LRP1B: variants seen among roughly 807,000 people sequenced by gnomAD.
LRP1B encodes the protein low-density lipoprotein receptor-related protein 1B.
Under a neutral mutation model 556.6 loss-of-function variants are expected in LRP1B, and 217 were observed. The observed-to-expected ratio is 0.39, with a 90% confidence interval of 0.35 to 0.44. LRP1B has a LOEUF of 0.44. LRP1B is among the 20% of genes least tolerant of loss of function. The pLI is 1.00. For synonymous variants in LRP1B, 2,047 were observed against 1,865.8 expected, an observed-to-expected ratio of 1.10 and a Z score of -2.50; for missense variants, 5,053 against 5,620.8, an observed-to-expected ratio of 0.90 and a Z score of 3.23.
At chr2:140,628,203 A>T (rs1192381583) in intron 41 of LRP1B, among the ~76,000 whole-genome samples, 1 of 152,136 alleles carries the variant, frequency 6.6e-6, no homozygotes, top group Non-Finnish European at 1.5e-5. Flanking sequence ...AGAACAGAGG[A>T]CACCAAGTAA....
At chr2:142,003,107 A>C (rs1274806924) in intron 1 of LRP1B, among the ~76,000 whole-genome samples, 4 of 152,170 alleles carry the variant, frequency 2.6e-5, no homozygotes, top group African/African-American at 9.7e-5. Context: ...AGGTTTTATA[A>C]CTCTCTGTAT....
chr2:141,576,386 G>A (rs1686743872), intron 2 of LRP1B, among the ~76,000 whole-genome samples: 1 of 152,078 alleles, frequency 6.6e-6, no homozygotes, highest in Admixed American at 6.5e-5. Context: ...ACTCATAAGT[G>A]GGTGTTGAAC....
At chr2:140,744,143 T>A (rs1688240650) in intron 35 of LRP1B, among the ~76,000 whole-genome samples, 2 of 152,060 alleles carry the variant, frequency 1.3e-5, no homozygotes, top group Admixed American at 6.6e-5. Context: ...GATAGATGTA[T>A]TAATTAATTT....
chr2:141,258,224 A>C (rs916390872), intron 3 of LRP1B, among the ~76,000 whole-genome samples: 1 of 152,190 alleles, frequency 6.6e-6, no homozygotes, highest in Non-Finnish European at 1.5e-5. Context: ...GGTGGCTCAC[A>C]CTTATAATCC....
chr2:141,072,727 C>T (rs1699681171), intron 7 of LRP1B, among the ~76,000 whole-genome samples: 1 of 152,038 alleles, frequency 6.6e-6, no homozygotes, highest in Non-Finnish European at 1.5e-5. Flanking sequence ...CCCTTTGATT[C>T]ACTTCACCTC....
At chr2:141,761,375 A>G (rs1343366027) in intron 2 of LRP1B, among the ~76,000 whole-genome samples, 3 of 149,388 alleles carry the variant, frequency 2.0e-5, no homozygotes, top group Non-Finnish European at 4.4e-5. Flanking sequence ...AAAAAAATAC[A>G]TTGAAGTCTA....
intron 35 of LRP1B, among the ~76,000 whole-genome samples, chr2:140,758,854 T>C (rs570411552): frequency 6.6e-6 from 1 of 152,214 alleles, no homozygotes; most frequent in South Asian, 2.1e-4. Context: ...CTTAGCTCTT[T>C]TATTCTCTAT....
chr2:141,380,362 G>A (rs1689592951), intron 3 of LRP1B, among the ~76,000 whole-genome samples: 1 of 152,188 alleles, frequency 6.6e-6, no homozygotes, highest in Non-Finnish European at 1.5e-5. Context: ...GGACCAGACA[G>A]TCGCTACCCA....
chr2:142,078,358 A>G (rs1277326077), intron 1 of LRP1B, among the ~76,000 whole-genome samples: 6 of 152,056 alleles, frequency 3.9e-5, no homozygotes, highest in Non-Finnish European at 7.4e-5. Flanking sequence ...TATTCTTCAA[A>G]CCTCATTTCA....
intron 1 of LRP1B, among the ~76,000 whole-genome samples, chr2:141,935,231 C>T (rs994478605): frequency 9.2e-5 from 14 of 151,784 alleles, no homozygotes; most frequent in African/African-American, 3.4e-4. Context: ...ATCAGCATAC[C>T]CTCACTAAAG....
At chr2:141,528,954 T>A (rs1684784041) in intron 2 of LRP1B, among the ~76,000 whole-genome samples, 1 of 152,240 alleles carries the variant, frequency 6.6e-6, no homozygotes, top group African/African-American at 2.4e-5. Flanking sequence ...TGCACAATTC[T>A]TAGTCTTAGA....
In LRP1B at chr2:140,512,967, C is replaced by T. The variant is rs912094828; in HGVS notation, c.8269+1686G>A. Among the ~76,000 whole-genome samples, 24 of 152,090 alleles carry T rather than the reference C, an allele frequency of 1.6e-4. No individual in the cohort carries two copies. The East Asian group carries it at 1.7e-3, about 11-fold the overall frequency. On this transcript the variant is annotated intron_variant, in intron 51 of 90. Coordinates refer to ENST00000389484, the MANE Select transcript of LRP1B (RefSeq NM_018557.3). ...TACATAAAATACAGCTCATAATTAACGTAAATAAGCTCAGTATTTTGATTG... is the reference window on the plus strand; with the variant it reads ...TACATAAAATACAGCTCATAATTAATGTAAATAAGCTCAGTATTTTGATTG...
chr2:142,118,246 G>A (rs939032295), intron 1 of LRP1B, among the ~76,000 whole-genome samples: 4 of 152,052 alleles, frequency 2.6e-5, no homozygotes, highest in Admixed American at 6.6e-5. Context: ...TGTCGTGATG[G>A]AGCCATTACT....
At chr2:141,067,784 T>A (rs1414220057) in intron 7 of LRP1B, among the ~76,000 whole-genome samples, 1 of 151,948 alleles carries the variant, frequency 6.6e-6, no homozygotes, top group Non-Finnish European at 1.5e-5. Flanking sequence ...CTCTCAATAA[T>A]CTCAACTGCA....
chr2:141,624,806 G>C (rs1050461725), intron 2 of LRP1B, among the ~76,000 whole-genome samples: 8 of 152,102 alleles, frequency 5.3e-5, no homozygotes, highest in African/African-American at 1.7e-4. Context: ...GTCTCGCGCT[G>C]TCACCCATGC....
At chr2:141,167,317 T>C (rs1680313367) in intron 7 of LRP1B, 1 of 151,910 alleles carries the variant, frequency 6.6e-6, no homozygotes, top group Admixed American at 6.6e-5. Flanking sequence ...ATCTTCTTTG[T>C]ATCATTCCAG....
At chr2:141,794,830 C>CA (rs1294286985) in intron 2 of LRP1B, among the ~76,000 whole-genome samples, 1 of 152,034 alleles carries the variant, frequency 6.6e-6, no homozygotes, top group Non-Finnish European at 1.5e-5. Context: ...AATTATATGT[C>CA]AAAAATGTCA....
chr2:140,327,183 A>G (rs1007156833), intron 79 of LRP1B, among the ~76,000 whole-genome samples: 6 of 152,250 alleles, frequency 3.9e-5, no homozygotes, highest in African/African-American at 1.2e-4. Flanking sequence ...TGGCAACGCA[A>G]CTGAATGAAA....
rs532385530 is a variant in LRP1B, at chr2:141,365,202, A to G, written c.344-110561T>C. The stretch of plus-strand genomic sequence containing the variant: ...TCTTCCATTCACTGAAAGAAAAAAA[A>G]TTATGATGCATCTTTTTTGTTTGTT... On this transcript the variant is annotated intron_variant, in intron 3 of 90. Transcript: ENST00000389484. Among the ~76,000 whole-genome samples, 125 of 151,874 alleles carry G rather than the reference A, an allele frequency of 8.2e-4. 3 individuals are homozygous for G. Among genetic ancestry groups the G allele is most frequent in the South Asian group, 4.8e-3 (23 of 4,770 alleles).
Sources: allele counts gnomAD v4.1 joint callset (sites outside exome capture counted in the v4.1 genomes callset), GRCh38; gene constraint gnomAD v4.1.1; transcripts MANE v1.5; gene names NCBI Gene and HGNC (gene_info 2026-07-23, HGNC 2026-07-21).